Variants in DCC observed in about 807,000 individuals in gnomAD.
DCC encodes DCC netrin 1 receptor.
A neutral mutation model predicts 172.5 loss-of-function variants in DCC; 58 were observed. The ratio of observed to expected loss-of-function variants is 0.34; its 90% CI spans 0.27 to 0.42. DCC has a LOEUF of 0.42. DCC is among the 10% of genes least tolerant of loss of function. The pLI is 1.00. For synonymous variants in DCC, 709 were observed against 644.5 expected (o/e 1.10, Z -1.52); for missense variants, 1,740 against 1,791.0 (o/e 0.97, Z 0.51).
chr18:53,197,683 A>G (rs1055784749), intron 9 of DCC, among the ~76,000 whole-genome samples: 1 of 151,958 alleles, frequency 6.6e-6, no homozygotes, highest in East Asian at 1.9e-4. Flanking sequence ...TGAAAACCTC[A>G]TATTCAGATT....
intron 9 of DCC, among the ~76,000 whole-genome samples, chr18:53,191,320 A>C (rs913229843): frequency 6.6e-6 from 1 of 152,216 alleles, no homozygotes; most frequent in African/African-American, 2.4e-5. Flanking sequence ...TAAATTTAAC[A>C]TATCACTTAC....
chr18:53,513,435 A>C (rs2046285912), intron 27 of DCC, among the ~76,000 whole-genome samples: 1 of 152,208 alleles, frequency 6.6e-6, no homozygotes, highest in African/African-American at 2.4e-5. Context: ...CTAACATCAT[A>C]ATGACAGGAT....
Position 53,205,359 on chromosome 18 carries a change from G to T in DCC, c.1717G>T (p.Glu573Ter). The stretch of plus-strand genomic sequence containing the variant: ...CTGCACTGAGGTGTCCACAGGAAAA[G>T]AACAGGTAGGTGAAGGAATGGACCA... ...LFCTEVSTGK[E>*]QNIEVDGLSY... Residue 573 changes from glutamate to a stop codon, truncating the protein, a stop_gained, in exon 10 of 29, where the codon GAA (glutamate) becomes TAA (stop). Transcript: ENST00000442544. LOFTEE classifies it high-confidence loss of function. 1.2e-6 allele frequency: 2 copies of T among 1,613,874 alleles called. No homozygotes were observed. Among genetic ancestry groups the T allele is most frequent in the Non-Finnish European group, 8.5e-7 (1 of 1,179,838 alleles).
At chr18:52,357,870 G>A (rs1405914942) in intron 1 of DCC, among the ~76,000 whole-genome samples, 9 of 151,188 alleles carry the variant, frequency 6.0e-5, no homozygotes, top group Non-Finnish European at 1.0e-4. Context: ...CCCACGAGGC[G>A]GAGCTTGCAG....
At chr18:52,535,000 CT>C (rs1568216786) in intron 1 of DCC, among the ~76,000 whole-genome samples, 1 of 152,146 alleles carries the variant, frequency 6.6e-6, no homozygotes, top group Non-Finnish European at 1.5e-5. Context: ...CCCTTTACCA[CT>C]TTCCCCCATC....
At chr18:53,402,958 A>G in intron 19 of DCC, 65 bp downstream of exon 19, 1 of 1,127,460 alleles carries the variant, frequency 8.9e-7, no homozygotes, top group Non-Finnish European at 1.4e-6. Flanking sequence ...TACCCCCTAC[A>G]TGAGCTGCTC....
intron 1 of DCC, among the ~76,000 whole-genome samples, chr18:52,441,863 A>G (rs1207688216): frequency 1.3e-5 from 2 of 152,152 alleles, no homozygotes; most frequent in Non-Finnish European, 2.9e-5. Flanking sequence ...TCTTCTTTTT[A>G]TTCTAATGAG....
In DCC at chr18:53,519,382, A is replaced by G. The variant is rs138807265; in HGVS notation, c.4112-7235A>G. ...TGAAAATAATAATATAGATCAGCTT[A>G]GACTTCAGAGTGGGAAACGTTTCAT... On this transcript the variant is annotated intron_variant, in intron 27 of 28. Transcript: ENST00000442544. Among the ~76,000 whole-genome samples, 296 of 152,188 alleles carry G rather than the reference A, an allele frequency of 1.9e-3. 1 individual carries two copies. The highest frequency in any genetic ancestry group is 6.8e-3 in the African/African-American group (281 of 41,548).
At chr18:53,047,476 TTGAGGA>T (rs2042270354) in intron 5 of DCC, among the ~76,000 whole-genome samples, 37 of 78,406 alleles carry the variant, frequency 4.7e-4, no homozygotes, top group African/African-American at 1.6e-3. Flanking sequence ...ATTTTTGCTA[TTGAGGA>T]ATCTTTTTTT....
chr18:52,636,438 G>T (rs2144890237), intron 1 of DCC, among the ~76,000 whole-genome samples: 1 of 152,218 alleles, frequency 6.6e-6, no homozygotes, highest in Non-Finnish European at 1.5e-5. Context: ...GCCTGGGGCA[G>T]GTTTTCAAGC....
intron 25 of DCC, among the ~76,000 whole-genome samples, chr18:53,469,845 G>T (rs184788670): frequency 2.2e-4 from 33 of 152,046 alleles, no homozygotes; most frequent in African/African-American, 8.0e-4. Flanking sequence ...GATTTTTACA[G>T]TCACTCTCCA....
chr18:52,463,173 A>G (rs570245142), intron 1 of DCC, among the ~76,000 whole-genome samples: 5 of 152,318 alleles, frequency 3.3e-5, no homozygotes, highest in East Asian at 3.9e-4. Context: ...ACAACCCAGG[A>G]ACAAAAGTAG....
intron 2 of DCC, among the ~76,000 whole-genome samples, chr18:52,861,230 G>T (rs564373492): frequency 6.6e-6 from 1 of 152,238 alleles, no homozygotes; most frequent in East Asian, 1.9e-4. Context: ...ATTCTTACTT[G>T]CAAGGTCAGG....
chr18:53,019,973 A>C (rs1208736649), intron 5 of DCC, among the ~76,000 whole-genome samples: 1 of 152,164 alleles, frequency 6.6e-6, no homozygotes, highest in Non-Finnish European at 1.5e-5. Context: ...CACAAACTAA[A>C]GTGATTGTAG....
At chr18:53,261,992 A>G (rs935174794) in intron 12 of DCC, among the ~76,000 whole-genome samples, 4 of 152,220 alleles carry the variant, frequency 2.6e-5, no homozygotes, top group African/African-American at 4.8e-5. Context: ...GTGAGAGAAG[A>G]TGGTGGATTT....
intron 1 of DCC, among the ~76,000 whole-genome samples, chr18:52,660,302 C>T (rs2035333947): frequency 6.6e-6 from 1 of 152,062 alleles, no homozygotes; most frequent in Non-Finnish European, 1.5e-5. Flanking sequence ...TGCAAAGTTC[C>T]TCCATACTCC....
chr18:53,193,466 T>A (rs1273152275), intron 9 of DCC, among the ~76,000 whole-genome samples: 1 of 149,882 alleles, frequency 6.7e-6, no homozygotes, highest in Non-Finnish European at 1.5e-5. Context: ...ACAACAAACT[T>A]ATCTGGTAAG....
chr18:53,150,571 G>T (rs1224794588), intron 7 of DCC, among the ~76,000 whole-genome samples: 1 of 152,202 alleles, frequency 6.6e-6, no homozygotes, highest in South Asian at 2.1e-4. Context: ...CCAGGGAAGT[G>T]CCCTGACAGG....
chr18:52,941,819 G>A lies in DCC; in HGVS notation c.985+16449G>A, dbSNP rs551748310. ...TTCTTTTGAGATGGAGTCTTGCTCTGTCACCCAGGCTGGAGTGCAGTGGTG... is the reference window on the plus strand; with the variant it reads ...TTCTTTTGAGATGGAGTCTTGCTCTATCACCCAGGCTGGAGTGCAGTGGTG... On this transcript the variant is annotated intron_variant, in intron 5 of 28. Transcript: ENST00000442544. 2.0e-5 allele frequency among the ~76,000 whole-genome samples: 3 copies of A among 151,706 alleles called. No homozygotes were observed. In the East Asian group the frequency reaches 5.8e-4, roughly 29 times the overall value.
Sources: gnomAD v4.1 joint callset for allele counts (sites outside exome capture counted in the v4.1 genomes callset) on GRCh38, gnomAD v4.1.1 for gene constraint, MANE v1.5 for transcripts, NCBI Gene and HGNC (gene_info 2026-07-23, HGNC 2026-07-21) for gene names.